The following PLPP2 variants were observed in gnomAD, a reference collection of about 807,000 sequenced individuals.
PLPP2 encodes the protein phospholipid phosphatase 2.
PLPP2 carries 29 observed loss-of-function variants against 35.2 expected under a neutral mutation model. The observed-to-expected ratio is 0.82, with a 90% CI of 0.61 to 1.12. The LOEUF (loss-of-function observed/expected upper bound fraction) is 1.12, where lower values mean the gene tolerates loss of function less well. Ranked by LOEUF, PLPP2 falls within the 50% of genes most tolerant of loss-of-function variation. PLPP2 has a pLI of 0.00. For synonymous variants in PLPP2, 162 were observed against 167.0 expected (o/e 0.97, Z 0.23); for missense variants, 353 against 375.2 (o/e 0.94, Z 0.49).
intron 3 of PLPP2, chr19:283,298 C>A: frequency 6.3e-6 from 1 of 157,544 alleles, no homozygotes. Context: ...CACCAGAAGA[C>A]TTATCAAGAT....
chr19:283,512 T>C (rs532892072), intron 3 of PLPP2: 32 of 152,370 alleles, frequency 2.1e-4, no homozygotes, highest in African/African-American at 7.5e-4. Flanking sequence ...TGGGGGATAT[T>C]TGTAGGAAAC....
At chr19:289,861 G>A (rs1962613189) in intron 1 of PLPP2, among the ~76,000 whole-genome samples, 2 of 152,180 alleles carry the variant, frequency 1.3e-5, no homozygotes, top group Non-Finnish European at 2.9e-5. Flanking sequence ...CCGGCCGGGT[G>A]GAAAGTCAGG....
At chr19:282,361 C>G (rs375345791) in intron 4 of PLPP2, 51 bp from the exon 5 acceptor site, 7 of 1,563,296 alleles carry the variant, frequency 4.5e-6, no homozygotes, top group East Asian at 2.3e-5. Context: ...GGCGCTCCCC[C>G]TCCCCCTGCA....
chr19:284,968 T>A (rs1970245962), intron 3 of PLPP2: 1 of 149,698 alleles, frequency 6.7e-6, no homozygotes, highest in African/African-American at 2.5e-5. Context: ...ATACAAAAAT[T>A]AGCTGGGCGC....
intron 3 of PLPP2, chr19:284,968 T>C (rs1970245962): frequency 6.7e-6 from 1 of 149,698 alleles, no homozygotes; most frequent in Admixed American, 6.6e-5. Context: ...ATACAAAAAT[T>C]AGCTGGGCGC....
At chr19:290,463 C>A (rs956389017) in intron 1 of PLPP2, among the ~76,000 whole-genome samples, 4 of 152,208 alleles carry the variant, frequency 2.6e-5, no homozygotes, top group Non-Finnish European at 1.5e-5. Flanking sequence ...AAAAAAGGGT[C>A]TCCTTCCGGA....
At chr19:290,827 G>A in intron 1 of PLPP2, 3 of 824,262 alleles carry the variant, frequency 3.6e-6, no homozygotes, top group Non-Finnish European at 4.8e-6. Flanking sequence ...CGACGCACCG[G>A]GTGCCAGGAC....
At position 288,465 on chromosome 19, in the gene PLPP2, T is replaced by A. The variant is rs565713931; in HGVS notation, c.53-294A>T. ...TCTCTGCCCAAAATATCTTTTTTTT[T>A]TAAATTTTTAAAAGTAGAGACAGGG... On this transcript the variant is annotated intron_variant, in intron 1 of 5. Coordinates refer to ENST00000434325, the MANE Select transcript of PLPP2 (RefSeq NM_003712.4). The A allele has an allele frequency of 2.8e-4, 65 of 229,216 alleles. No homozygotes were observed. In the East Asian group the frequency reaches 3.2e-3, roughly 11 times the overall value. The allele number at this position is 229,216 out of a possible 1,614,324, so 14.2% of individuals were successfully genotyped here.
chr19:287,598 T>A lies in PLPP2; in HGVS notation c.358A>T (p.Ile120Phe). The A allele has an allele frequency of 6.2e-7, 1 of 1,613,816 alleles. No individual in the cohort carries two copies. The highest frequency in any genetic ancestry group is 8.5e-7 in the Non-Finnish European group (1 of 1,180,038). ...AGGAAGTTGGGCCTCAGACGCCCAA[T>A]CATGTACTTGGCCAGGTCTGTCAGA... The part of the protein sequence containing the change: ...QSLTDLAKYM[I>F]GRLRPNFLAV... The change falls in exon 3 of 6, where the codon ATT becomes TTT. Residue 120 changes from isoleucine (I) to phenylalanine (F), a missense_variant. By Grantham distance (21) the Ile-to-Phe change is conservative. Transcript: ENST00000434325. The surrounding 1 kb of genome is among the most constrained non-coding windows in gnomAD (Gnocchi z 4.3).
chr19:282,920 G>T, intron 3 of PLPP2, 111 bp from the exon 4 acceptor site: 1 of 912,110 alleles, frequency 1.1e-6, no homozygotes, highest in Non-Finnish European at 1.8e-6. Context: ...GCTGTTAGAT[G>T]CACTCAAATC....
chr19:290,673 A>G (rs1361161310), intron 1 of PLPP2, among the ~76,000 whole-genome samples: 1 of 152,152 alleles, frequency 6.6e-6, no homozygotes, highest in Non-Finnish European at 1.5e-5. Context: ...AACCCGCCGG[A>G]CAGGTTTGGT....
At chr19:290,903 GC>G in intron 1 of PLPP2, 1 of 1,211,738 alleles carries the variant, frequency 8.3e-7, no homozygotes, top group African/African-American at 1.6e-5. Context: ...CGGACGTCCT[GC>G]CGGGGTAACC....
chr19:287,499 T>G lies in PLPP2; in HGVS notation c.457A>C (p.Asn153His). ...YVQLEKVCRG[N>H]PADVTEARLS... ...CTGGCCTCGGTGACATCAGCAGGGT[T>G]TCCCCTGCACACCTTCTCCAGCTGC... Residue 153 changes from asparagine to histidine, a missense_variant, in exon 3 of 6, where the codon AAC becomes CAC. Coordinates refer to ENST00000434325, the MANE Select transcript of PLPP2 (RefSeq NM_003712.4). This position sits in a 1 kb window ranked among gnomAD's most constrained non-coding sequence, Gnocchi z 4.3. 6.2e-7 allele frequency: 1 copy of G among 1,612,470 alleles called. No homozygotes were observed. Among genetic ancestry groups the G allele is most frequent in the Middle Eastern group, 1.7e-4 (1 of 6,058 alleles).
chr19:281,672 C>T (rs1970176370), intron 5 of PLPP2, 135 bp from the exon 6 acceptor site: 2 of 829,912 alleles, frequency 2.4e-6, no homozygotes, highest in Non-Finnish European at 3.5e-6. Context: ...GGAGTAGTGC[C>T]TGGGGTGGGA....
intron 1 of PLPP2, among the ~76,000 whole-genome samples, chr19:290,335 T>C (rs1176552420): frequency 6.6e-6 from 1 of 152,206 alleles, no homozygotes; most frequent in African/African-American, 2.4e-5. Context: ...GCTTAGTTCC[T>C]GGCATACAGA....
At chr19:289,096 C>T (rs1970330453) in intron 1 of PLPP2, among the ~76,000 whole-genome samples, 2 of 152,184 alleles carry the variant, frequency 1.3e-5, no homozygotes. Context: ...GGCACTGGGG[C>T]TCCTGGGGCC....
chr19:287,391 C>T lies in PLPP2; in HGVS notation c.482+83G>A. On this transcript the variant is annotated intron_variant, in intron 3 of 5. Transcript: ENST00000434325. The surrounding 1 kb of genome is among the most constrained non-coding windows in gnomAD (Gnocchi z 4.3). ...GGCGCACGCCTGTAGTCTCAGCTGC[C>T]TGCTGGCTCTTCATGATTTGGCTCC... is the stretch of plus-strand genomic sequence containing the variant. 6.6e-7 allele frequency: 1 copy of T among 1,524,962 alleles called. No homozygotes were observed. Among genetic ancestry groups the T allele is most frequent in the Non-Finnish European group, 8.8e-7 (1 of 1,134,256 alleles). 94.5% of individuals were successfully genotyped at this position (1,524,962 alleles called of 1,614,324 possible). A position where few individuals can be genotyped will look rare whatever the true frequency, so the allele number is the denominator to read the frequency against.
chr19:287,991 C>A lies in PLPP2; in HGVS notation c.204+29G>T. ...AGCTGGCCCCACCCCATCCCCCTACCCAGTCCCTCTGAGCCCCTCCTGCCT... is the reference window on the plus strand; with the variant it reads ...AGCTGGCCCCACCCCATCCCCCTACACAGTCCCTCTGAGCCCCTCCTGCCT... On this transcript the variant is annotated intron_variant, in intron 2 of 5. Coordinates refer to ENST00000434325, the MANE Select transcript of PLPP2 (RefSeq NM_003712.4). This position sits in a 1 kb window ranked among gnomAD's most constrained non-coding sequence, Gnocchi z 4.3. 1.2e-6 allele frequency: 2 copies of A among 1,611,474 alleles called. No individual in the cohort carries two copies. The highest frequency in any genetic ancestry group is 1.7e-6 in the Non-Finnish European group (2 of 1,178,984).
At position 287,222 on chromosome 19, in the gene PLPP2, T is replaced by C. The variant is rs1970284133; in HGVS notation, c.482+252A>G. ...GATGAAATGGTCAATCTTTCAAAAATATATAACAATTACAAAGGTAAATGT... is the reference window on the plus strand; with the variant it reads ...GATGAAATGGTCAATCTTTCAAAAACATATAACAATTACAAAGGTAAATGT... On this transcript the variant is annotated intron_variant, in intron 3 of 5. Coordinates refer to ENST00000434325, the MANE Select transcript of PLPP2 (RefSeq NM_003712.4). The surrounding 1 kb of genome is among the most constrained non-coding windows in gnomAD (Gnocchi z 4.3). 2.2e-6 allele frequency: 1 copy of C among 458,006 alleles called. No homozygotes were observed. Among genetic ancestry groups the C allele is most frequent in the East Asian group, 3.6e-5 (1 of 27,832 alleles). 28.4% of individuals were successfully genotyped at this position (458,006 alleles called of 1,614,324 possible).
Sources: allele counts gnomAD v4.1 joint callset (sites outside exome capture counted in the v4.1 genomes callset), GRCh38; gene constraint gnomAD v4.1.1; non-coding constraint Gnocchi (gnomAD v3.1); transcripts MANE v1.5; gene names NCBI Gene and HGNC (gene_info 2026-07-23, HGNC 2026-07-21).